Variants in CAMK1D observed in about 807,000 individuals in gnomAD.
CAMK1D encodes calcium/calmodulin-dependent protein kinase type 1D.
Under a neutral mutation model 47.7 loss-of-function variants are expected in CAMK1D, and 9 were observed. That is an observed-to-expected ratio of 0.19 (90% CI 0.11 to 0.33). The LOEUF is 0.33. Among genes scored for constraint, CAMK1D ranks in the 10% least tolerant of loss-of-function variants. The probability of loss-of-function intolerance (pLI) is 1.00; values close to 1 mark genes in which losing one functional copy is unlikely to be tolerated. For missense variants in CAMK1D, 291 were observed against 488.7 expected, an observed-to-expected ratio of 0.60 and a Z score of 3.81; for synonymous variants, 184 against 184.9, an observed-to-expected ratio of 0.99 and a Z score of 0.04.
intron 2 of CAMK1D, among the ~76,000 whole-genome samples, chr10:12,666,012 G>A (rs1233435822): frequency 1.3e-5 from 2 of 152,200 alleles, no homozygotes; most frequent in African/African-American, 2.4e-5. Context: ...TGATTCCTGG[G>A]CTCTGCCCTC....
intron 1 of CAMK1D, among the ~76,000 whole-genome samples, chr10:12,419,719 T>C (rs1839984871): frequency 6.6e-6 from 1 of 151,778 alleles, no homozygotes; most frequent in Non-Finnish European, 1.5e-5. Flanking sequence ...ATACTGAGAT[T>C]AGAAAAACTG....
At chr10:12,577,392 A>G (rs1837523531) in intron 2 of CAMK1D, among the ~76,000 whole-genome samples, 1 of 152,168 alleles carries the variant, frequency 6.6e-6, no homozygotes, top group Non-Finnish European at 1.5e-5. Flanking sequence ...GCCTGGATCT[A>G]CCCAGTTCTG....
At chr10:12,479,415 C>T (rs747270896) in intron 1 of CAMK1D, among the ~76,000 whole-genome samples, 4 of 152,128 alleles carry the variant, frequency 2.6e-5, no homozygotes, top group Non-Finnish European at 5.9e-5. Flanking sequence ...AGGCTGGTCT[C>T]GAACTCCTGA....
In CAMK1D at chr10:12,648,338, T is replaced by C. The variant is rs78758194; in HGVS notation, c.225-18398T>C. Reference sequence around the variant, plus strand: ...TTCCCAGGTTCCCCCTGCCTAGCGATGGCGTTTCAGTAGGACTGGGTAAGA... The same window carrying C: ...TTCCCAGGTTCCCCCTGCCTAGCGACGGCGTTTCAGTAGGACTGGGTAAGA... On this transcript the variant is annotated intron_variant, in intron 2 of 10. Transcript: ENST00000619168. 9.9e-3 allele frequency among the ~76,000 whole-genome samples: 1,508 copies of C among 152,324 alleles called. 20 individuals carry two copies. Among genetic ancestry groups the C allele is most frequent in the African/African-American group, 0.034 (1,423 of 41,560 alleles).
intron 2 of CAMK1D, among the ~76,000 whole-genome samples, chr10:12,627,458 T>A (rs1182382192): frequency 2.0e-5 from 3 of 152,190 alleles, no homozygotes; most frequent in Non-Finnish European, 4.4e-5. Flanking sequence ...TGGACTGTTA[T>A]ATACTTGCAG....
At chr10:12,694,523 TG>T (rs1472475037) in intron 3 of CAMK1D, among the ~76,000 whole-genome samples, 160 of 111,076 alleles carry the variant, frequency 1.4e-3, no homozygotes, top group South Asian at 6.2e-3. Flanking sequence ...AAAATATATA[TG>T]ATATATATTA....
Position 12,565,426 on chromosome 10 carries a change from G to T in CAMK1D, c.224+12070G>T, listed in dbSNP as rs567270339. 8.5e-5 allele frequency among the ~76,000 whole-genome samples: 13 copies of T among 152,136 alleles called. No homozygotes were observed. The South Asian group carries it at 2.7e-3, about 32-fold the overall frequency. Reference sequence around the variant, plus strand: ...CTGCCACCATGCCTGGCTAGTTTTTGTATTTTTAGTAGAGACGGGGTTTCA... The same window carrying T: ...CTGCCACCATGCCTGGCTAGTTTTTTTATTTTTAGTAGAGACGGGGTTTCA... On this transcript the variant is annotated intron_variant, in intron 2 of 10. Transcript: ENST00000619168.
chr10:12,500,685 A>G (rs2132139110), intron 1 of CAMK1D, among the ~76,000 whole-genome samples: 1 of 152,372 alleles, frequency 6.6e-6, no homozygotes, highest in East Asian at 1.9e-4. Flanking sequence ...AAGATTATCC[A>G]GCTAAAGAGG....
intron 3 of CAMK1D, among the ~76,000 whole-genome samples, chr10:12,724,943 G>C (rs537307020): frequency 6.6e-6 from 1 of 152,050 alleles, no homozygotes; most frequent in Non-Finnish European, 1.5e-5. Flanking sequence ...TGAGATGTTT[G>C]ATGTAACTGT....
At chr10:12,461,684 T>C (rs1833428457) in intron 1 of CAMK1D, among the ~76,000 whole-genome samples, 1 of 83,246 alleles carries the variant, frequency 1.2e-5, no homozygotes, top group Non-Finnish European at 2.3e-5. Flanking sequence ...CGAGGCTTCA[T>C]CTCAAAAAAA....
chr10:12,801,651 A>G (rs776413163), intron 6 of CAMK1D, among the ~76,000 whole-genome samples: 1 of 151,900 alleles, frequency 6.6e-6, no homozygotes, highest in Non-Finnish European at 1.5e-5. Flanking sequence ...TATCCATCTC[A>G]TCTGTCTATC....
chr10:12,725,731 C>G (rs752835454), intron 3 of CAMK1D, among the ~76,000 whole-genome samples: 1 of 152,174 alleles, frequency 6.6e-6, no homozygotes, highest in African/African-American at 2.4e-5. Flanking sequence ...GTTCGTCTAG[C>G]CAGCTACACA....
intron 1 of CAMK1D, among the ~76,000 whole-genome samples, chr10:12,530,275 C>T (rs1484648209): frequency 2.0e-5 from 3 of 152,166 alleles, no homozygotes; most frequent in African/African-American, 7.2e-5. Flanking sequence ...GTGGGGGGCC[C>T]TAGGCAGGCT....
intron 1 of CAMK1D, among the ~76,000 whole-genome samples, chr10:12,538,062 T>C (rs1474323615): frequency 6.6e-6 from 1 of 152,194 alleles, no homozygotes; most frequent in African/African-American, 2.4e-5. Context: ...CTTTTCCTTT[T>C]TAAAATGTAC....
At chr10:12,372,261 G>A (rs1452039271) in intron 1 of CAMK1D, among the ~76,000 whole-genome samples, 1 of 152,138 alleles carries the variant, frequency 6.6e-6, no homozygotes, top group African/African-American at 2.4e-5. Context: ...TGTATTTCAC[G>A]TGAATTTTCA....
At chr10:12,747,229 A>G (rs1835723911) in intron 3 of CAMK1D, among the ~76,000 whole-genome samples, 2 of 152,136 alleles carry the variant, frequency 1.3e-5, no homozygotes, top group South Asian at 4.2e-4. Flanking sequence ...ACGGGGTTTC[A>G]CCGTGTTGGC....
chr10:12,615,098 C>T (rs1838742041), intron 2 of CAMK1D, among the ~76,000 whole-genome samples: 1 of 152,152 alleles, frequency 6.6e-6, no homozygotes, highest in African/African-American at 2.4e-5. Context: ...GGCAGAACGC[C>T]TGAGAGCCCC....
chr10:12,784,182 TC>T (rs981445578), intron 5 of CAMK1D, among the ~76,000 whole-genome samples: 1 of 148,636 alleles, frequency 6.7e-6, no homozygotes, highest in Non-Finnish European at 1.5e-5. Context: ...GACCCGAACT[TC>T]CTTGGAGAAA....
chr10:12,538,643 G>A (rs1365028428), intron 1 of CAMK1D, among the ~76,000 whole-genome samples: 1 of 152,132 alleles, frequency 6.6e-6, no homozygotes, highest in Non-Finnish European at 1.5e-5. Context: ...AGGGCCCGAG[G>A]AGGTGCAGGC....
Sources: gnomAD v4.1 joint callset for allele counts (sites outside exome capture counted in the v4.1 genomes callset) on GRCh38, gnomAD v4.1.1 for gene constraint, MANE v1.5 for transcripts, NCBI Gene and HGNC (gene_info 2026-07-23, HGNC 2026-07-21) for gene names.